Variants in CLYBL observed in about 807,000 individuals in gnomAD.
CLYBL encodes citramalyl-CoA lyase, also known as citramalyl-CoA lyase, mitochondrial.
Under a neutral mutation model 38.9 loss-of-function variants are expected in CLYBL, and 31 were observed. That is an observed-to-expected ratio of 0.80 (90% confidence interval 0.60 to 1.08). CLYBL has a LOEUF of 1.08. Among genes scored for constraint, CLYBL ranks in the 50% least tolerant of loss-of-function variants. CLYBL has a pLI of 0.00. For missense variants in CLYBL, 434 were observed against 411.6 expected, an observed-to-expected ratio of 1.05 and a Z score of -0.47; for synonymous variants, 171 against 158.6, an observed-to-expected ratio of 1.08 and a Z score of -0.59.
At chr13:99,628,588 C>G (rs1457469136) in intron 1 of CLYBL, among the ~76,000 whole-genome samples, 1 of 152,190 alleles carries the variant, frequency 6.6e-6, no homozygotes, top group East Asian at 1.9e-4. Flanking sequence ...CCTGGGAATT[C>G]AGGACTAGCT....
chr13:99,841,813 T>C (rs1282379870), intron 2 of CLYBL, among the ~76,000 whole-genome samples: 23 of 22,488 alleles, frequency 1.0e-3, no homozygotes, highest in African/African-American at 2.4e-3. Context: ...TTTCTTTTCC[T>C]TTTTTTTTTT....
chr13:99,812,450 A>G (rs1469939513), intron 2 of CLYBL, among the ~76,000 whole-genome samples: 2 of 152,246 alleles, frequency 1.3e-5, no homozygotes, highest in African/African-American at 4.8e-5. Context: ...CAGTGAGGAA[A>G]ACATGGGTTT....
intron 1 of CLYBL, among the ~76,000 whole-genome samples, chr13:99,613,240 G>T (rs1030560461): frequency 6.6e-6 from 1 of 152,134 alleles, no homozygotes; most frequent in African/African-American, 2.4e-5. Flanking sequence ...AGTGGTAGCA[G>T]CCAAGGAATG....
intron 6 of CLYBL, among the ~76,000 whole-genome samples, chr13:99,867,768 A>G (rs2051785512): frequency 6.6e-6 from 1 of 152,108 alleles, no homozygotes; most frequent in Non-Finnish European, 1.5e-5. Flanking sequence ...ACTGGCTGCC[A>G]GGTGGCCAGA....
At chr13:99,714,462 C>G (rs574388917) in intron 1 of CLYBL, among the ~76,000 whole-genome samples, 1 of 148,928 alleles carries the variant, frequency 6.7e-6, no homozygotes, top group Non-Finnish European at 1.5e-5. Flanking sequence ...ACTAAAAATA[C>G]AAAAATTAGC....
chr13:99,705,503 C>T (rs1247715663), intron 1 of CLYBL, among the ~76,000 whole-genome samples: 1 of 151,888 alleles, frequency 6.6e-6, no homozygotes, highest in Non-Finnish European at 1.5e-5. Flanking sequence ...TCGCTTGGAC[C>T]TGGAAGGTGG....
At chr13:99,847,286 C>T (rs755199049) in intron 2 of CLYBL, among the ~76,000 whole-genome samples, 7 of 152,180 alleles carry the variant, frequency 4.6e-5, no homozygotes, top group East Asian at 1.9e-4. Flanking sequence ...GAAAAAGGCA[C>T]GTTTTCATCC....
At chr13:99,677,985 G>A (rs544076213) in intron 1 of CLYBL, among the ~76,000 whole-genome samples, 12 of 152,254 alleles carry the variant, frequency 7.9e-5, no homozygotes, top group South Asian at 4.1e-4. Flanking sequence ...CATGCTAACC[G>A]TTGTAGAAGA....
intron 2 of CLYBL, among the ~76,000 whole-genome samples, chr13:99,785,740 C>T (rs1297280925): frequency 6.6e-6 from 1 of 151,850 alleles, no homozygotes; most frequent in Non-Finnish European, 1.5e-5. Flanking sequence ...GGATTATAGG[C>T]GCCCAGCACC....
At chr13:99,696,987 T>A (rs2047989648) in intron 1 of CLYBL, among the ~76,000 whole-genome samples, 1 of 152,210 alleles carries the variant, frequency 6.6e-6, no homozygotes, top group Admixed American at 6.5e-5. Context: ...CTTATCTTTT[T>A]CTATGTATTT....
intron 1 of CLYBL, among the ~76,000 whole-genome samples, chr13:99,653,211 G>T (rs1296757769): frequency 6.6e-6 from 1 of 152,186 alleles, no homozygotes; most frequent in African/African-American, 2.4e-5. Context: ...TCTAGGCAAA[G>T]ACTTCAGATG....
At chr13:99,838,495 A>G (rs1033599299) in intron 2 of CLYBL, among the ~76,000 whole-genome samples, 10 of 152,304 alleles carry the variant, frequency 6.6e-5, no homozygotes, top group African/African-American at 2.2e-4. Flanking sequence ...CGTGTGTGGC[A>G]TATTTTTCAA....
chr13:99,680,765 G>A (rs1003679608), intron 1 of CLYBL, among the ~76,000 whole-genome samples: 1 of 152,168 alleles, frequency 6.6e-6, no homozygotes. Flanking sequence ...TAGCAGAGAC[G>A]TGGATGGCTG....
chr13:99,712,493 C>T (rs1296133728), intron 1 of CLYBL, among the ~76,000 whole-genome samples: 1 of 151,704 alleles, frequency 6.6e-6, no homozygotes, highest in Non-Finnish European at 1.5e-5. Flanking sequence ...TGCCACCATA[C>T]CCAGCTAATT....
chr13:99,902,012 A>T (rs2152137943), downstream of CLYBL, among the ~76,000 whole-genome samples: 2 of 152,330 alleles, frequency 1.3e-5, 1 homozygote, highest in African/African-American at 4.8e-5. Context: ...CATAAGGAAG[A>T]TGATGATCTG....
chr13:99,864,475 C>T (rs1372231153), intron 4 of CLYBL, among the ~76,000 whole-genome samples: 2 of 152,068 alleles, frequency 1.3e-5, no homozygotes, highest in South Asian at 2.1e-4. Context: ...TGTGGTTTTA[C>T]GAGAGTCTCT....
At chr13:99,700,406 T>A (rs889666015) in intron 1 of CLYBL, among the ~76,000 whole-genome samples, 1 of 152,104 alleles carries the variant, frequency 6.6e-6, no homozygotes, top group Admixed American at 6.5e-5. Context: ...ATCGCACCAT[T>A]GCACTCCAGC....
intron 1 of CLYBL, among the ~76,000 whole-genome samples, chr13:99,720,249 T>C (rs1389255187): frequency 6.6e-6 from 1 of 152,202 alleles, no homozygotes; most frequent in Non-Finnish European, 1.5e-5. Flanking sequence ...CTAAAGTTAA[T>C]GGATATTTCT....
At chr13:99,678,306 C>T (rs1360034186) in intron 1 of CLYBL, among the ~76,000 whole-genome samples, 1 of 152,196 alleles carries the variant, frequency 6.6e-6, no homozygotes, top group Non-Finnish European at 1.5e-5. Context: ...ATGTATCAGA[C>T]AGTCTCTGAT....
Sources: gnomAD v4.1 joint callset for allele counts (sites outside exome capture counted in the v4.1 genomes callset) on GRCh38, gnomAD v4.1.1 for gene constraint, MANE v1.5 for transcripts, NCBI Gene and HGNC (gene_info 2026-07-23, HGNC 2026-07-21) for gene names.